HACD1: variants seen among roughly 807,000 people sequenced by gnomAD.
HACD1 encodes the protein 3-hydroxyacyl-CoA dehydratase 1.
A neutral mutation model predicts 32.0 loss-of-function variants in HACD1; 41 were observed. That is an observed-to-expected ratio of 1.28 (90% CI 1.00 to 1.66). The LOEUF is 1.66. HACD1 is among the 40% of genes most tolerant of loss of function. The probability of loss-of-function intolerance (pLI) is 0.00; values close to 1 mark genes in which losing one functional copy is unlikely to be tolerated. For synonymous variants in HACD1, 142 were observed against 139.0 expected (o/e 1.02, Z -0.15); for missense variants, 396 against 380.1 (o/e 1.04, Z -0.35).
At chr10:17,594,164 C>T in intron 6 of HACD1, 41 bp downstream of exon 6, 1 of 1,303,180 alleles carries the variant, frequency 7.7e-7, no homozygotes, top group South Asian at 2.7e-5. Flanking sequence ...AAAATTTCCA[C>T]ATCATATGTC....
rs1005744885 is a variant in HACD1 at position 17,603,621 on chromosome 10, G to C, written c.422C>G (p.Thr141Ser). Residue 141 changes from threonine to serine, a missense_variant, in exon 4 of 7, where the codon ACT (threonine) becomes AGT (serine). Coordinates refer to ENST00000361271, the MANE Select transcript of HACD1 (RefSeq NM_014241.4). ...GATTCTTGAACTCACTTGGACCCCA[G>C]TCACAATCACAGAAGTAGGTACAAT... ...IGIVPTSVIV[T>S]GVQVSSRIFM... The C allele has an allele frequency of 6.2e-7, 1 of 1,613,500 alleles. No homozygotes were observed. Among genetic ancestry groups the C allele is most frequent in the Admixed American group, 1.7e-5 (1 of 60,012 alleles).
At chr10:17,607,127 T>C (rs1294708165) in intron 1 of HACD1, among the ~76,000 whole-genome samples, 1 of 152,212 alleles carries the variant, frequency 6.6e-6, no homozygotes, top group Non-Finnish European at 1.5e-5. Context: ...TTTTAATTGA[T>C]AGTAGCATGC....
intron 1 of HACD1, among the ~76,000 whole-genome samples, chr10:17,606,966 C>T (rs974712297): frequency 2.6e-5 from 4 of 152,274 alleles, no homozygotes; most frequent in African/African-American, 9.6e-5. Context: ...ACAGCCACCA[C>T]TAAGCTCGGA....
intron 1 of HACD1, among the ~76,000 whole-genome samples, chr10:17,609,840 C>G: frequency 6.6e-6 from 1 of 151,962 alleles, no homozygotes; most frequent in Non-Finnish European, 1.5e-5. Context: ...AAAAATTAGC[C>G]AGGCATGGTG....
At position 17,603,580 on chromosome 10, in the gene HACD1, T is replaced by C; in HGVS notation, c.463A>G (p.Ile155Val). The change falls in exon 4 of 7, where the codon ATT (isoleucine) becomes GTT (valine). Residue 155 changes from isoleucine to valine, a missense_variant. By Grantham distance (29) the Ile-to-Val change is conservative. Coordinates refer to ENST00000361271, the MANE Select transcript of HACD1 (RefSeq NM_014241.4). The stretch of plus-strand genomic sequence containing the variant: ...CTTACTGGTTTTATACTGTGAGTAA[T>C]GAGCCACACCATAAAGATTCTTGAA... ...VSSRIFMVWLITHSIKPIQNE... is the reference protein window; with the variant it reads ...VSSRIFMVWLVTHSIKPIQNE... 1.9e-6 allele frequency: 3 copies of C among 1,612,334 alleles called. No individual in the cohort carries two copies. The highest frequency in any genetic ancestry group is 2.5e-6 in the Non-Finnish European group (3 of 1,178,482).
intron 5 of HACD1, chr10:17,599,033 T>TA (rs1250186585): frequency 5.8e-6 from 3 of 519,900 alleles, no homozygotes; most frequent in Non-Finnish European, 8.2e-6. Context: ...AATGAATGAC[T>TA]AATTCTGAGG....
intron 4 of HACD1, among the ~76,000 whole-genome samples, chr10:17,599,621 T>C (rs150750669): frequency 1.6e-3 from 237 of 152,366 alleles, no homozygotes; most frequent in African/African-American, 5.5e-3. Context: ...TAGTTGAGCA[T>C]AGACTCGTTT....
chr10:17,603,942 A>C lies in HACD1; in HGVS notation c.363T>G (p.Phe121Leu). ...IQKTLKFFQT[F>L]ALLEIVHCLI... is the part of the protein sequence containing the mutation. ...ATGGAAAACTTACCTCAAGCAAGGC[A>C]AATGTCTGGAAAAATTTAAGTGTCT... The change falls in exon 2 of 7, where the codon TTT becomes TTG. Residue 121 changes from phenylalanine (F) to leucine (L), a missense_variant. By Grantham distance (22) the Phe-to-Leu change is conservative. Transcript: ENST00000361271. 1 of 1,606,062 alleles carries C rather than the reference A, an allele frequency of 6.2e-7. No homozygotes were observed. Among genetic ancestry groups the C allele is most frequent in the Non-Finnish European group, 8.5e-7 (1 of 1,173,906 alleles).
intron 1 of HACD1, among the ~76,000 whole-genome samples, 191 bp downstream of exon 1, chr10:17,616,892 A>C (rs149588531): frequency 0.023 from 3,529 of 151,988 alleles, 56 homozygotes; most frequent in Middle Eastern, 0.076. Context: ...AGGCAATGCC[A>C]GGCGCGCAGG....
intron 1 of HACD1, among the ~76,000 whole-genome samples, chr10:17,613,271 C>G (rs1167567118): frequency 6.6e-6 from 1 of 151,970 alleles, no homozygotes. Context: ...CTGTTCCCCA[C>G]TTGTTTTGAA....
At chr10:17,602,488 A>G (rs1164068189) in intron 4 of HACD1, among the ~76,000 whole-genome samples, 1 of 152,224 alleles carries the variant, frequency 6.6e-6, no homozygotes, top group South Asian at 2.1e-4. Context: ...TCATGCCTCA[A>G]TAAAAATTGT....
Position 17,589,091 on chromosome 10 carries a change from A to G in HACD1, c.*1273T>C, listed in dbSNP as rs1833898284. ...GAACTTTATTACAAGACCTTTTGCTATTCAATGGAATTCAGAATGAAAGGA... is the reference window on the plus strand; with the variant it reads ...GAACTTTATTACAAGACCTTTTGCTGTTCAATGGAATTCAGAATGAAAGGA... On this transcript the variant is annotated 3_prime_UTR_variant, in exon 7 of 7. Transcript: ENST00000361271. 1 of 152,182 alleles carries G rather than the reference A, an allele frequency of 6.6e-6. No individual in the cohort carries two copies. Among genetic ancestry groups the G allele is most frequent in the South Asian group, 2.1e-4 (1 of 4,830 alleles). 9.4% of individuals were successfully genotyped at this position (152,182 alleles called of 1,614,324 possible).
At chr10:17,597,955 A>C (rs1834016177) in intron 5 of HACD1, among the ~76,000 whole-genome samples, 1 of 152,130 alleles carries the variant, frequency 6.6e-6, no homozygotes, top group Non-Finnish European at 1.5e-5. Flanking sequence ...GAATATTAAA[A>C]AGTCACAAAG....
chr10:17,594,790 G>C (rs868920506), intron 5 of HACD1, among the ~76,000 whole-genome samples: 4 of 151,606 alleles, frequency 2.6e-5, no homozygotes, highest in Non-Finnish European at 4.4e-5. Context: ...TCCTGCCTCA[G>C]CCTCCCAAGT....
At chr10:17,593,205 G>T (rs1387292586) in intron 6 of HACD1, among the ~76,000 whole-genome samples, 2 of 152,102 alleles carry the variant, frequency 1.3e-5, no homozygotes, top group African/African-American at 4.8e-5. Flanking sequence ...AGACCTCAAG[G>T]GGCTGGCCAA....
At chr10:17,590,509 C>T in intron 6 of HACD1, 63 bp from the exon 7 acceptor site, 1 of 1,252,040 alleles carries the variant, frequency 8.0e-7, no homozygotes, top group East Asian at 2.4e-5. Context: ...ATACTTGAAA[C>T]CTGTTAAATG....
At chr10:17,594,066 A>G (rs1433036405) in intron 6 of HACD1, 139 bp downstream of exon 6, 1 of 742,172 alleles carries the variant, frequency 1.3e-6, no homozygotes, top group Non-Finnish European at 1.9e-6. Flanking sequence ...CCAAATTATC[A>G]GTAAATATGG....
intron 1 of HACD1, among the ~76,000 whole-genome samples, chr10:17,612,934 CAAA>C (rs1186804187): frequency 2.1e-5 from 3 of 142,358 alleles, no homozygotes; most frequent in Non-Finnish European, 4.6e-5. Flanking sequence ...AAAAAAAAAA[CAAA>C]AACAAAAACA....
chr10:17,612,657 A>T (rs113884290), intron 1 of HACD1, among the ~76,000 whole-genome samples: 14,448 of 152,120 alleles, frequency 0.095, 865 homozygotes, highest in Admixed American at 0.17. Context: ...GCGGTGGCTC[A>T]TGCCTGTAAT....
Sources: gnomAD v4.1 joint callset for allele counts (sites outside exome capture counted in the v4.1 genomes callset) on GRCh38, gnomAD v4.1.1 for gene constraint, MANE v1.5 for transcripts, NCBI Gene and HGNC (gene_info 2026-07-23, HGNC 2026-07-21) for gene names.